The following DENND4A variants were observed in gnomAD, a reference collection of about 807,000 sequenced individuals.
DENND4A encodes DENN domain containing 4A.
In DENND4A, 70 loss-of-function variants were observed where a neutral mutation model predicts 199.3. The observed-to-expected ratio is 0.35, with a 90% CI of 0.29 to 0.43. The LOEUF is 0.43. Among genes scored for constraint, DENND4A ranks in the 20% least tolerant of loss-of-function variants. The pLI, the probability that DENND4A is intolerant of heterozygous loss-of-function variation, is 1.00. For synonymous variants in DENND4A, 686 were observed against 766.9 expected, an observed-to-expected ratio of 0.89 and a Z score of 1.74; for missense variants, 1,723 against 2,255.8, an observed-to-expected ratio of 0.76 and a Z score of 4.78.
At chr15:65,716,645 T>C (rs1034501195) in intron 13 of DENND4A, among the ~76,000 whole-genome samples, 2 of 152,020 alleles carry the variant, frequency 1.3e-5, no homozygotes, top group Non-Finnish European at 1.5e-5. Context: ...CAGTCTATCA[T>C]TGTTGGACAT....
chr15:65,672,866 G>C (rs1423589277), intron 24 of DENND4A, among the ~76,000 whole-genome samples: 2 of 114,848 alleles, frequency 1.7e-5, no homozygotes, highest in Non-Finnish European at 3.3e-5. Flanking sequence ...AATGAGTACT[G>C]GTATTTTTTT....
At chr15:65,702,579 A>G (rs2074912322) in intron 16 of DENND4A, 68 bp from the exon 17 acceptor site, 2 of 1,259,562 alleles carry the variant, frequency 1.6e-6, no homozygotes, top group African/African-American at 3.0e-5. Flanking sequence ...ACTGAGTGCT[A>G]AACAAGTACA....
chr15:65,752,726 G>A, intron 3 of DENND4A, 98 bp from the exon 4 acceptor site: 3 of 748,212 alleles, frequency 4.0e-6, no homozygotes, highest in Non-Finnish European at 4.1e-6. Flanking sequence ...GTAGTAGCAT[G>A]GTAAAAATAT....
intron 9 of DENND4A, 67 bp from the exon 10 acceptor site, chr15:65,729,745 T>C (rs2075904135): frequency 1.4e-6 from 2 of 1,404,186 alleles, no homozygotes; most frequent in African/African-American, 1.4e-5. Flanking sequence ...TCTAAAACAA[T>C]GGGCAAAAGT....
At chr15:65,710,579 T>C (rs566634021) in intron 14 of DENND4A, among the ~76,000 whole-genome samples, 1 of 152,234 alleles carries the variant, frequency 6.6e-6, no homozygotes, top group African/African-American at 2.4e-5. Flanking sequence ...ATCATCTTTA[T>C]ATACAAAAAA....
intron 21 of DENND4A, 82 bp downstream of exon 21, chr15:65,697,185 C>A: frequency 1.1e-6 from 1 of 875,544 alleles, no homozygotes; most frequent in Non-Finnish European, 1.8e-6. Flanking sequence ...GAAAGTAAAA[C>A]CAGCACTTTT....
chr15:65,752,407 T>G lies in DENND4A; in HGVS notation c.533A>C (p.Lys178Thr). Residue 178 changes from lysine to threonine, a missense_variant, in exon 4 of 33, where the codon AAA becomes ACA. By Grantham distance (78) the Lys-to-Thr change is moderately conservative (BLOSUM62 -1). Around this residue, in one of 6 missense-constraint regions of DENND4A, gnomAD observed 725 missense variants for 952.9 expected, o/e 0.76. Coordinates refer to ENST00000443035, the MANE Select transcript of DENND4A (RefSeq NM_001320835.1). ...KGESPPHTFCKVDKNLNNSMW... is the reference protein window; with the variant it reads ...KGESPPHTFCTVDKNLNNSMW... ...ACTGTTATTGAGATTCTTGTCGACT[T>G]TGCAGAACGTGTGTGGTGGGCTTTC... is the stretch of plus-strand genomic sequence containing the variant. 1.2e-6 allele frequency: 2 copies of G among 1,611,058 alleles called. No homozygotes were observed. The highest frequency in any genetic ancestry group is 1.7e-6 in the Non-Finnish European group (2 of 1,178,436).
chr15:65,681,760 G>T (rs562086614), intron 23 of DENND4A, among the ~76,000 whole-genome samples: 102 of 151,976 alleles, frequency 6.7e-4, no homozygotes, highest in African/African-American at 2.3e-3. Context: ...TAGAGACAGG[G>T]TTTTGCCATG....
At position 65,750,851 on chromosome 15, in the gene DENND4A, A is replaced by C. The variant is rs539507332; in HGVS notation, c.561+1528T>G. ...AGAAGCCATTAAGGGTTTTAAGCAGAGTAGTGATAGGATCTGATTTATGTT... is the reference window on the plus strand; with the variant it reads ...AGAAGCCATTAAGGGTTTTAAGCAGCGTAGTGATAGGATCTGATTTATGTT... On this transcript the variant is annotated intron_variant, in intron 4 of 32. Coordinates refer to ENST00000443035, the MANE Select transcript of DENND4A (RefSeq NM_001320835.1). 2.0e-5 allele frequency among the ~76,000 whole-genome samples: 3 copies of C among 152,258 alleles called. No individual in the cohort carries two copies. The South Asian group carries it at 6.2e-4, about 32-fold the overall frequency.
chr15:65,774,741 A>G (rs1158389837), intron 1 of DENND4A, among the ~76,000 whole-genome samples: 1 of 152,062 alleles, frequency 6.6e-6, no homozygotes, highest in African/African-American at 2.4e-5. Flanking sequence ...CTCTAAAATT[A>G]TAAAATTTCA....
chr15:65,752,423 G>A lies in DENND4A; in HGVS notation c.517C>T (p.Pro173Ser). 2 of 1,613,098 alleles carry A rather than the reference G, an allele frequency of 1.2e-6. No homozygotes were observed. The highest frequency in any genetic ancestry group is 1.7e-6 in the Non-Finnish European group (2 of 1,179,510). Residue 173 changes from proline (P) to serine (S), a missense_variant, in exon 4 of 33, where the codon CCA becomes TCA. This residue lies in a region of DENND4A where 725 missense variants were observed against 952.9 expected (regional missense o/e 0.76). Coordinates refer to ENST00000443035, the MANE Select transcript of DENND4A (RefSeq NM_001320835.1). ...TTGTCGACTTTGCAGAACGTGTGTGGTGGGCTTTCTCCTTTACTGGGTATA... is the reference window on the plus strand; with the variant it reads ...TTGTCGACTTTGCAGAACGTGTGTGATGGGCTTTCTCCTTTACTGGGTATA... ...IIIPSKGESPPHTFCKVDKNL... is the reference protein window; with the variant it reads ...IIIPSKGESPSHTFCKVDKNL...
intron 1 of DENND4A, among the ~76,000 whole-genome samples, chr15:65,779,488 T>C (rs2077380137): frequency 6.6e-6 from 1 of 151,962 alleles, no homozygotes; most frequent in Non-Finnish European, 1.5e-5. Flanking sequence ...AGCTGTTTTT[T>C]AGTTTGTTTG....
rs964057551 is a variant in DENND4A, at chr15:65,700,368, AGAAT to A, written c.2833+172_2833+175del. On this transcript the variant is annotated intron_variant, in intron 20 of 32. Transcript: ENST00000443035. ...AAAACTTTTATTTCTATTCAAATAAAGAATGAATAAAATTTCATATAGTTATTAA... is the reference window on the plus strand; with the variant it reads ...AAAACTTTTATTTCTATTCAAATAAAGAATAAAATTTCATATAGTTATTAA... Among the ~76,000 whole-genome samples the A allele has an allele frequency of 7.2e-5, 11 of 152,170 alleles. 1 individual carries two copies. The highest frequency in any genetic ancestry group is 2.4e-4 in the African/African-American group (10 of 41,516).
chr15:65,787,593 C>A (rs759578674), intron 1 of DENND4A, among the ~76,000 whole-genome samples: 21 of 152,152 alleles, frequency 1.4e-4, no homozygotes, highest in Non-Finnish European at 5.9e-5. Context: ...ATAGCATTCC[C>A]GAACCTACAA....
intron 7 of DENND4A, among the ~76,000 whole-genome samples, chr15:65,734,431 C>T (rs2076053063): frequency 6.6e-6 from 1 of 152,204 alleles, no homozygotes; most frequent in South Asian, 2.1e-4. Flanking sequence ...CTCGGAGAAA[C>T]ACCCAAGAAT....
intron 15 of DENND4A, among the ~76,000 whole-genome samples, chr15:65,704,580 G>A (rs1212249059): frequency 1.3e-5 from 2 of 152,020 alleles, no homozygotes; most frequent in Non-Finnish European, 2.9e-5. Flanking sequence ...TTGCTATGTT[G>A]CACAGGCTGA....
chr15:65,707,877 G>A (rs2075114644), intron 14 of DENND4A, among the ~76,000 whole-genome samples: 1 of 151,742 alleles, frequency 6.6e-6, no homozygotes, highest in Non-Finnish European at 1.5e-5. Context: ...GTAGTGACAG[G>A]GTTTTACCAT....
chr15:65,722,013 G>A (rs542440901), intron 12 of DENND4A, among the ~76,000 whole-genome samples: 1 of 151,994 alleles, frequency 6.6e-6, no homozygotes, highest in Admixed American at 6.6e-5. Flanking sequence ...GGCAAACTTC[G>A]ATTTTCAAAC....
At chr15:65,740,553 C>A (rs1425055679) in intron 5 of DENND4A, among the ~76,000 whole-genome samples, 1 of 150,982 alleles carries the variant, frequency 6.6e-6, no homozygotes, top group Non-Finnish European at 1.5e-5. Context: ...TGCTTGAGCC[C>A]AGGAGTTCAA....
Sources: allele counts gnomAD v4.1 joint callset (sites outside exome capture counted in the v4.1 genomes callset), GRCh38; gene constraint gnomAD v4.1.1; regional missense constraint gnomAD v4.1.1; transcripts MANE v1.5; gene names NCBI Gene and HGNC (gene_info 2026-07-23, HGNC 2026-07-21).